The following B3GALT1 variants were observed in gnomAD, a reference collection of about 807,000 sequenced individuals.
B3GALT1 encodes the protein beta-1,3-galactosyltransferase 1.
A neutral mutation model predicts 23.2 loss-of-function variants in B3GALT1; 10 were observed. The observed-to-expected ratio is 0.43, with a 90% CI of 0.27 to 0.73. The LOEUF (loss-of-function observed/expected upper bound fraction) is 0.73. Among genes scored for constraint, B3GALT1 ranks in the 30% least tolerant of loss-of-function variants. B3GALT1 has a pLI of 0.21. For missense variants in B3GALT1, 299 were observed against 405.4 expected, an observed-to-expected ratio of 0.74 and a Z score of 2.25; for synonymous variants, 156 against 141.5, an observed-to-expected ratio of 1.10 and a Z score of -0.73.
chr2:167,705,364 T>C (rs1423758297), intron 3 of B3GALT1, among the ~76,000 whole-genome samples: 1 of 152,234 alleles, frequency 6.6e-6, no homozygotes, highest in African/African-American at 2.4e-5. Context: ...GCAAAGCTAT[T>C]CATCATATTA....
chr2:167,471,910 C>A (rs1259090653), intron 1 of B3GALT1, among the ~76,000 whole-genome samples: 1 of 151,970 alleles, frequency 6.6e-6, no homozygotes, highest in Non-Finnish European at 1.5e-5. Context: ...GGCCTTTGGC[C>A]AGGTGGTAGG....
intron 2 of B3GALT1, among the ~76,000 whole-genome samples, chr2:167,560,568 G>T (rs187473608): frequency 1.3e-5 from 2 of 151,988 alleles, no homozygotes; most frequent in African/African-American, 2.4e-5. Context: ...CGCATCTCAT[G>T]TGCAGAGACA....
chr2:167,541,806 G>A (rs1683537914), intron 2 of B3GALT1, among the ~76,000 whole-genome samples: 1 of 152,018 alleles, frequency 6.6e-6, no homozygotes, highest in African/African-American at 2.4e-5. Context: ...TAATTAACCT[G>A]TTTTGCATTT....
At chr2:167,468,718 A>G (rs2105329639) in intron 1 of B3GALT1, among the ~76,000 whole-genome samples, 1 of 152,284 alleles carries the variant, frequency 6.6e-6, no homozygotes, top group South Asian at 2.1e-4. Context: ...CTAAGAATAC[A>G]AAAATTAGCC....
At chr2:167,393,424 AAAGGACCC>A (rs1443054734) in intron 1 of B3GALT1, among the ~76,000 whole-genome samples, 1 of 152,010 alleles carries the variant, frequency 6.6e-6, no homozygotes, top group Non-Finnish European at 1.5e-5. Context: ...TGGGGTTAGG[AAAGGACCC>A]TGAAAGCAAC....
intron 2 of B3GALT1, among the ~76,000 whole-genome samples, chr2:167,524,967 G>T (rs1683196086): frequency 6.6e-6 from 1 of 152,114 alleles, no homozygotes; most frequent in Non-Finnish European, 1.5e-5. Flanking sequence ...TAGATTATAT[G>T]CAGCACAAAT....
chr2:167,679,021 A>G (rs765373779), intron 3 of B3GALT1, among the ~76,000 whole-genome samples: 5 of 151,944 alleles, frequency 3.3e-5, no homozygotes, highest in African/African-American at 1.2e-4. Flanking sequence ...AACCTTTCCA[A>G]TCTTTTTATA....
chr2:167,791,822 C>A (rs1239491876), intron 3 of B3GALT1, among the ~76,000 whole-genome samples: 2 of 151,074 alleles, frequency 1.3e-5, no homozygotes, highest in East Asian at 3.9e-4. Flanking sequence ...ATCACTAGAT[C>A]TTGTATTTTA....
chr2:167,624,106 T>C (rs1685303620), intron 2 of B3GALT1, among the ~76,000 whole-genome samples: 3 of 152,020 alleles, frequency 2.0e-5, no homozygotes, highest in African/African-American at 4.8e-5. Flanking sequence ...AACAAAATCA[T>C]AGAATCTGCA....
chr2:167,853,016 C>T, intron 4 of B3GALT1, among the ~76,000 whole-genome samples: 1 of 152,036 alleles, frequency 6.6e-6, no homozygotes, highest in South Asian at 2.1e-4. Context: ...AGTCACAGTT[C>T]AAAGCAATTG....
chr2:167,671,766 C>T (rs917725163), intron 3 of B3GALT1, among the ~76,000 whole-genome samples: 1 of 151,224 alleles, frequency 6.6e-6, no homozygotes, highest in Admixed American at 6.6e-5. Context: ...AAAGTAATTA[C>T]AGAAGGAAGG....
chr2:167,395,465 G>A (rs769220011), intron 1 of B3GALT1, among the ~76,000 whole-genome samples: 6 of 152,080 alleles, frequency 3.9e-5, no homozygotes, highest in Non-Finnish European at 7.4e-5. Context: ...GGAATACAAT[G>A]GCTCCTAGTA....
At chr2:167,847,593 T>C (rs922280494) in intron 4 of B3GALT1, among the ~76,000 whole-genome samples, 1 of 151,998 alleles carries the variant, frequency 6.6e-6, no homozygotes, top group Non-Finnish European at 1.5e-5. Flanking sequence ...AAAACGGTGC[T>C]AAGAGGAAAG....
intron 1 of B3GALT1, among the ~76,000 whole-genome samples, chr2:167,346,737 TGTGTGTGTGGGGGGGGGGTGGTGC>T (rs1241838110): frequency 0.014 from 473 of 34,876 alleles, 3 homozygotes; most frequent in Non-Finnish European, 0.031. Context: ...GAGTTGTTTG[TGTGTGTGTGGGGGGGGGGTGGTGC>T]GTGTGTGTGT....
At chr2:167,759,510 T>C (rs1687868338) in intron 3 of B3GALT1, among the ~76,000 whole-genome samples, 1 of 152,124 alleles carries the variant, frequency 6.6e-6, no homozygotes. Flanking sequence ...TAGCGATGTA[T>C]TTTCCAATGC....
intron 3 of B3GALT1, among the ~76,000 whole-genome samples, chr2:167,665,725 T>G (rs1686165944): frequency 6.6e-6 from 1 of 152,230 alleles, no homozygotes; most frequent in Non-Finnish European, 1.5e-5. Flanking sequence ...TATCCATTTC[T>G]TTTAGATTTT....
At chr2:167,440,831 T>G (rs371721074) in intron 1 of B3GALT1, among the ~76,000 whole-genome samples, 4 of 152,284 alleles carry the variant, frequency 2.6e-5, no homozygotes, top group African/African-American at 9.6e-5. Flanking sequence ...ATTTCTTGTT[T>G]TGACTTTCTA....
chr2:167,734,199 G>A (rs1332405766), intron 3 of B3GALT1, among the ~76,000 whole-genome samples: 1 of 152,176 alleles, frequency 6.6e-6, no homozygotes. Flanking sequence ...TCCAGGGAAT[G>A]TTCTGCAGAA....
At chr2:167,413,521 T>A (rs948005148) in intron 1 of B3GALT1, among the ~76,000 whole-genome samples, 1 of 152,066 alleles carries the variant, frequency 6.6e-6, no homozygotes, top group African/African-American at 2.4e-5. Flanking sequence ...TGTCAGTTAA[T>A]CCTATATATT....
Sources: allele counts gnomAD v4.1 joint callset (sites outside exome capture counted in the v4.1 genomes callset), GRCh38; gene constraint gnomAD v4.1.1; transcripts MANE v1.5; gene names NCBI Gene and HGNC (gene_info 2026-07-23, HGNC 2026-07-21).